Variants in NELL2 observed in about 807,000 individuals in gnomAD.
NELL2 encodes the protein neural EGFL like 2.
Under a neutral mutation model 109.6 loss-of-function variants are expected in NELL2, and 41 were observed. The observed-to-expected ratio is 0.37, with a 90% CI of 0.29 to 0.49. The LOEUF (loss-of-function observed/expected upper bound fraction) is 0.49. Among genes scored for constraint, NELL2 ranks in the 20% least tolerant of loss-of-function variants. The pLI, the probability that NELL2 is intolerant of heterozygous loss-of-function variation, is 0.98. For missense variants in NELL2, 900 were observed against 1,008.3 expected (o/e 0.89, Z 1.45); for synonymous variants, 355 against 344.7 (o/e 1.03, Z -0.33).
intron 15 of NELL2, among the ~76,000 whole-genome samples, chr12:44,534,211 A>G (rs796929987): frequency 2.5e-4 from 38 of 152,246 alleles, no homozygotes; most frequent in African/African-American, 8.4e-4. Context: ...TGTATACATA[A>G]GTAAAAAAAA....
At position 44,895,788 on chromosome 12, in the gene NELL2, T is replaced by A. The variant is rs77200566; in HGVS notation, c.38+18011A>T. ...CAGGGCACATTCTTCCACCTTGAGA[T>A]TCACAGCCTAAAGAATTCATTTCTT... On this transcript the variant is annotated intron_variant, in intron 1 of 20. Transcript: ENST00000333837. Among the ~76,000 whole-genome samples, 1,114 of 152,284 alleles carry A rather than the reference T, an allele frequency of 7.3e-3. 14 individuals carry two copies. Among genetic ancestry groups the A allele is most frequent in the Non-Finnish European group, 8.6e-3 (587 of 68,006 alleles).
At chr12:44,529,572 G>A (rs927470043) in intron 16 of NELL2, among the ~76,000 whole-genome samples, 8 of 152,258 alleles carry the variant, frequency 5.3e-5, no homozygotes, top group Non-Finnish European at 1.2e-4. Flanking sequence ...GAGTCCTGGG[G>A]CATTTGCGAG....
chr12:44,670,507 A>G (rs1463396596), intron 12 of NELL2, among the ~76,000 whole-genome samples: 9 of 151,964 alleles, frequency 5.9e-5, no homozygotes, highest in Admixed American at 3.9e-4. Flanking sequence ...AAATTCATCA[A>G]TTAAAAGATA....
chr12:44,779,460 T>C (rs1266611427), intron 5 of NELL2, among the ~76,000 whole-genome samples: 1 of 151,996 alleles, frequency 6.6e-6, no homozygotes, highest in Non-Finnish European at 1.5e-5. Context: ...TTCTGTAATA[T>C]CTAACAATTA....
chr12:44,705,326 C>G (rs1937810483), intron 11 of NELL2, among the ~76,000 whole-genome samples: 1 of 152,006 alleles, frequency 6.6e-6, no homozygotes, highest in South Asian at 2.1e-4. Flanking sequence ...AATCAAATGA[C>G]TCAGTGATTT....
chr12:44,623,120 TTG>T (rs750165516), intron 13 of NELL2, among the ~76,000 whole-genome samples: 3 of 152,130 alleles, frequency 2.0e-5, no homozygotes, highest in Non-Finnish European at 4.4e-5. Flanking sequence ...TAAATTAGAG[TTG>T]TGGTCGTTAC....
rs574923175 is a variant in NELL2, at chr12:44,523,653, G to C, written c.1805-169C>G. The C allele has an allele frequency of 2.9e-4, 175 of 601,580 alleles. No individual in the cohort carries two copies. In the African/African-American group the frequency reaches 2.9e-3, roughly 10 times the overall value. The allele number at this position is 601,580 out of a possible 1,614,324, so 37.3% of individuals were successfully genotyped here. A position where few individuals can be genotyped will look rare whatever the true frequency, so the allele number is the denominator to read the frequency against. On this transcript the variant is annotated intron_variant, in intron 16 of 19. Coordinates refer to ENST00000429094, the MANE Select transcript of NELL2 (RefSeq NM_001145108.2). Reference sequence around the variant, plus strand: ...TTGACTAAAGCAATGTTAATGATCTGGGGATTTCACAGGAAAATATTATCA... The same window carrying C: ...TTGACTAAAGCAATGTTAATGATCTCGGGATTTCACAGGAAAATATTATCA...
intron 9 of NELL2, among the ~76,000 whole-genome samples, chr12:44,742,944 T>C (rs367728784): frequency 3.9e-5 from 6 of 151,980 alleles, no homozygotes; most frequent in Admixed American, 1.3e-4. Flanking sequence ...TCAGGAAATA[T>C]AGAGAACGCC....
intron 15 of NELL2, among the ~76,000 whole-genome samples, chr12:44,540,880 T>A (rs1257621179): frequency 1.4e-5 from 2 of 143,570 alleles, no homozygotes; most frequent in African/African-American, 5.1e-5. Context: ...GAGCAATGGA[T>A]AATCAAGAAA....
intron 1 of NELL2, among the ~76,000 whole-genome samples, chr12:44,894,026 G>C (rs1338922866): frequency 6.6e-6 from 1 of 152,020 alleles, no homozygotes; most frequent in East Asian, 1.9e-4. Flanking sequence ...CATCTACTTA[G>C]AACAAATCTA....
intron 15 of NELL2, among the ~76,000 whole-genome samples, chr12:44,558,399 C>T (rs896314682): frequency 9.2e-5 from 14 of 152,218 alleles, no homozygotes; most frequent in Admixed American, 9.2e-4. Context: ...CTCTGGTCTG[C>T]AGCTCTCAGA....
intron 15 of NELL2, among the ~76,000 whole-genome samples, chr12:44,590,695 A>T (rs1944711997): frequency 6.6e-6 from 1 of 152,162 alleles, no homozygotes; most frequent in African/African-American, 2.4e-5. Context: ...GAAATGCTTC[A>T]GGACATTGGT....
intron 12 of NELL2, among the ~76,000 whole-genome samples, chr12:44,703,065 G>A (rs916138202): frequency 6.6e-6 from 1 of 152,140 alleles, no homozygotes; most frequent in Non-Finnish European, 1.5e-5. Flanking sequence ...TAACAGGAAT[G>A]ATTCAAATCC....
At chr12:44,904,481 C>A (rs778324436) in intron 1 of NELL2, among the ~76,000 whole-genome samples, 5 of 152,088 alleles carry the variant, frequency 3.3e-5, no homozygotes, top group Non-Finnish European at 7.4e-5. Context: ...CAAAGATATC[C>A]AGTGGAATGC....
chr12:44,783,713 G>T (rs1319938508), intron 3 of NELL2, among the ~76,000 whole-genome samples: 4 of 151,886 alleles, frequency 2.6e-5, no homozygotes, highest in Non-Finnish European at 2.9e-5. Flanking sequence ...TAAATCTCCA[G>T]GCCCAGAAGT....
chr12:44,564,102 G>C (rs1943570973), intron 15 of NELL2, among the ~76,000 whole-genome samples: 1 of 152,128 alleles, frequency 6.6e-6, no homozygotes, highest in South Asian at 2.1e-4. Flanking sequence ...TATTTATCCA[G>C]CTGTATAATT....
chr12:44,774,271 T>A (rs1391837771), intron 9 of NELL2, among the ~76,000 whole-genome samples: 3 of 152,200 alleles, frequency 2.0e-5, no homozygotes, highest in Non-Finnish European at 4.4e-5. Context: ...GTGAGCCTTT[T>A]TTTCCCTGAA....
intron 15 of NELL2, among the ~76,000 whole-genome samples, chr12:44,546,308 T>C (rs1942790392): frequency 6.6e-6 from 1 of 151,894 alleles, no homozygotes; most frequent in South Asian, 2.1e-4. Context: ...ACCAGAAAAT[T>C]CACTGATGGA....
Position 44,816,820 on chromosome 12 carries a change from T to A in NELL2, c.185-684A>T, listed in dbSNP as rs73277302. ...TTTACTTAAGAGAGGCAAACTTTTA[T>A]CCTGAACTTCCGCATGTTTTAGCCT... On this transcript the variant is annotated intron_variant, in intron 2 of 19. Coordinates refer to ENST00000429094, the MANE Select transcript of NELL2 (RefSeq NM_001145108.2). Among the ~76,000 whole-genome samples, 1,351 of 152,290 alleles carry A rather than the reference T, an allele frequency of 8.9e-3. 26 individuals carry two copies. Among genetic ancestry groups the A allele is most frequent in the African/African-American group, 0.031 (1,288 of 41,566 alleles).
Sources: gnomAD v4.1 joint callset for allele counts (sites outside exome capture counted in the v4.1 genomes callset) on GRCh38, gnomAD v4.1.1 for gene constraint, MANE v1.5 for transcripts, NCBI Gene and HGNC (gene_info 2026-07-23, HGNC 2026-07-21) for gene names.